Variants in ZMYND8 observed in about 807,000 individuals in gnomAD.
ZMYND8 encodes the protein MYND-type zinc finger-containing chromatin reader ZMYND8.
ZMYND8 carries 37 observed loss-of-function variants against 140.8 expected under a neutral mutation model. The observed-to-expected ratio is 0.26, with a 90% CI of 0.20 to 0.35. The LOEUF (loss-of-function observed/expected upper bound fraction) is 0.35. ZMYND8 is among the 10% of genes least tolerant of loss of function. ZMYND8 has a pLI of 1.00. For synonymous variants in ZMYND8, 592 were observed against 597.1 expected (o/e 0.99, Z 0.12); for missense variants, 1,068 against 1,570.0 (o/e 0.68, Z 5.40).
chr20:47,219,929 TGA>T (rs371352028), intron 21 of ZMYND8, among the ~76,000 whole-genome samples: 2 of 151,928 alleles, frequency 1.3e-5, no homozygotes, highest in African/African-American at 2.4e-5. Context: ...CTCATTTCCC[TGA>T]GAGAGAGAGA....
At chr20:47,345,303 A>G (rs1308494481) in intron 2 of ZMYND8, among the ~76,000 whole-genome samples, 1 of 152,114 alleles carries the variant, frequency 6.6e-6, no homozygotes, top group African/African-American at 2.4e-5. Flanking sequence ...CAGGGGCCCC[A>G]AGGAAGGAAC....
chr20:47,237,936 G>C (rs77078658), intron 15 of ZMYND8: 59 of 152,440 alleles, frequency 3.9e-4, no homozygotes, highest in African/African-American at 1.3e-3. Flanking sequence ...TTCTGATTCT[G>C]CAACTTCAGC....
chr20:47,287,367 G>A, intron 7 of ZMYND8, 83 bp from the exon 8 acceptor site: 2 of 1,180,004 alleles, frequency 1.7e-6, no homozygotes, highest in Middle Eastern at 1.9e-4. Context: ...CTAACAATGT[G>A]TTTACTTGCT....
At chr20:47,255,007 A>G (rs1251638668) in intron 12 of ZMYND8, among the ~76,000 whole-genome samples, 1 of 152,100 alleles carries the variant, frequency 6.6e-6, no homozygotes. Flanking sequence ...AGCCGGACGT[A>G]GTGGCGCGCG....
chr20:47,348,434 C>T (rs1332114378), intron 1 of ZMYND8: 1 of 172,742 alleles, frequency 5.8e-6, no homozygotes, highest in South Asian at 1.4e-4. Flanking sequence ...GGTTAAATTA[C>T]AAAGCAGAAA....
chr20:47,268,797 G>A (rs1372533778), intron 11 of ZMYND8, among the ~76,000 whole-genome samples: 1 of 150,778 alleles, frequency 6.6e-6, no homozygotes, highest in Non-Finnish European at 1.5e-5. Flanking sequence ...AAGAAACAAT[G>A]ACAACCAGAT....
intron 6 of ZMYND8, among the ~76,000 whole-genome samples, chr20:47,290,583 G>GTT (rs71183240): frequency 9.4e-3 from 601 of 63,946 alleles, no homozygotes; most frequent in Non-Finnish European, 0.011. Flanking sequence ...TATTTATTTA[G>GTT]TTTTTTTTTT....
chr20:47,271,847 A>T (rs1247147007), intron 11 of ZMYND8, among the ~76,000 whole-genome samples: 1 of 151,976 alleles, frequency 6.6e-6, no homozygotes, highest in Non-Finnish European at 1.5e-5. Context: ...ACGCCTGGCT[A>T]AGTTTTTGTA....
At chr20:47,312,010 G>A (rs1363666837) in intron 2 of ZMYND8, among the ~76,000 whole-genome samples, 3 of 152,194 alleles carry the variant, frequency 2.0e-5, no homozygotes, top group Non-Finnish European at 4.4e-5. Context: ...ACAGCCTGGT[G>A]TACCTGACAT....
At chr20:47,338,220 C>A (rs1173516512) in intron 2 of ZMYND8, among the ~76,000 whole-genome samples, 1 of 152,066 alleles carries the variant, frequency 6.6e-6, no homozygotes, top group South Asian at 2.1e-4. Flanking sequence ...ATGGACTTTG[C>A]GCTATTGTCC....
At chr20:47,272,673 T>C (rs369088219) in intron 11 of ZMYND8, among the ~76,000 whole-genome samples, 23 of 152,346 alleles carry the variant, frequency 1.5e-4, no homozygotes, top group African/African-American at 5.3e-4. Context: ...CTTAGAAAGC[T>C]AAATATCCAG....
chr20:47,337,149 C>T (rs1193707946), intron 2 of ZMYND8, among the ~76,000 whole-genome samples: 1 of 151,944 alleles, frequency 6.6e-6, no homozygotes, highest in East Asian at 1.9e-4. Flanking sequence ...GTCAGGAATT[C>T]GAGACCAGCC....
At chr20:47,217,633 C>G (rs1483054422) in intron 21 of ZMYND8, among the ~76,000 whole-genome samples, 1 of 150,242 alleles carries the variant, frequency 6.7e-6, no homozygotes, top group Non-Finnish European at 1.5e-5. Flanking sequence ...GAAGTCTTGG[C>G]TCTCATAATT....
At chr20:47,214,518 C>T (rs1349346570) in intron 21 of ZMYND8, among the ~76,000 whole-genome samples, 3 of 152,182 alleles carry the variant, frequency 2.0e-5, no homozygotes, top group Admixed American at 2.0e-4. Flanking sequence ...TTTTGAGACA[C>T]AGTCTCACTC....
rs542175425 is a variant in ZMYND8 at position 47,230,521 on chromosome 20, C to T, written c.2857-715G>A. ...GTTGGTCAGGCTGGTCTTGAACTCCCGACCTCAAGTAATCCACCCACCTCG... is the reference window on the plus strand; with the variant it reads ...GTTGGTCAGGCTGGTCTTGAACTCCTGACCTCAAGTAATCCACCCACCTCG... On this transcript the variant is annotated intron_variant, in intron 16 of 22. Coordinates refer to ENST00000471951, the MANE Select transcript of ZMYND8 (RefSeq NM_001281775.3). 4.6e-5 allele frequency among the ~76,000 whole-genome samples: 7 copies of T among 151,974 alleles called. No homozygotes were observed. In the South Asian group the frequency reaches 1.2e-3, roughly 27 times the overall value.
rs747764260 is a variant in ZMYND8, at chr20:47,246,255, G to A, written c.2037C>T (p.Asp679=). 5 of 1,614,144 alleles carry A rather than the reference G, an allele frequency of 3.1e-6. No homozygotes were observed. Among genetic ancestry groups the A allele is most frequent in the East Asian group, 4.5e-5 (2 of 44,880 alleles). ...KSTSPASEKA[D]PGAVKDKASP... ...TGGCCTTGTCCTTGACTGCTCCAGG[G>A]TCTGCCTTCTCGCTGGCTGGTGACG... Residue 679 remains aspartate (D), a synonymous_variant, in exon 14 of 23, where the codon GAC becomes GAT. Coordinates refer to ENST00000471951, the MANE Select transcript of ZMYND8 (RefSeq NM_001281775.3).
chr20:47,352,503 C>T, intron 1 of ZMYND8: 1 of 985,448 alleles, frequency 1.0e-6, no homozygotes. Flanking sequence ...CTGACCACCC[C>T]CAACAGAGCC....
chr20:47,313,404 C>CTT (rs2079101547), intron 2 of ZMYND8, among the ~76,000 whole-genome samples: 2 of 150,876 alleles, frequency 1.3e-5, no homozygotes, highest in South Asian at 2.1e-4. Flanking sequence ...GGGCGGATTA[C>CTT]AAAGTCAGGA....
At position 47,210,670 on chromosome 20, in the gene ZMYND8, G is replaced by A. The variant is rs749683726; in HGVS notation, c.*91C>T. 1.2e-6 allele frequency: 2 copies of A among 1,604,672 alleles called. No homozygotes were observed. The highest frequency in any genetic ancestry group is 2.2e-5 in the East Asian group (1 of 44,808). Reference sequence around the variant, plus strand: ...GGTTTTGTCATTTTCAAGTCTGAAAGTGGCTGTTCTCCTGCCTTTGTTGTT... The same window carrying A: ...GGTTTTGTCATTTTCAAGTCTGAAAATGGCTGTTCTCCTGCCTTTGTTGTT... On this transcript the variant is annotated 3_prime_UTR_variant, in exon 23 of 23. Coordinates refer to ENST00000471951, the MANE Select transcript of ZMYND8 (RefSeq NM_001281775.3).
Sources: gnomAD v4.1 joint callset for allele counts (sites outside exome capture counted in the v4.1 genomes callset) on GRCh38, gnomAD v4.1.1 for gene constraint, MANE v1.5 for transcripts, NCBI Gene and HGNC (gene_info 2026-07-23, HGNC 2026-07-21) for gene names.